Variants in TP53BP1 observed in about 807,000 individuals in gnomAD.
The protein encoded by TP53BP1 is TP53-binding protein 1.
In TP53BP1, 61 loss-of-function variants were observed where a neutral mutation model predicts 200.8. That is an observed-to-expected ratio of 0.30 (90% CI 0.25 to 0.38). The LOEUF (loss-of-function observed/expected upper bound fraction) is 0.38. TP53BP1 is among the 10% of genes least tolerant of loss of function. The pLI is 1.00. For missense variants in TP53BP1, 2,144 were observed against 2,371.9 expected (o/e 0.90, Z 2.00); for synonymous variants, 822 against 844.3 (o/e 0.97, Z 0.46).
upstream of TP53BP1, among the ~76,000 whole-genome samples, chr15:43,495,454 G>A (rs1223631060): frequency 2.0e-5 from 3 of 150,646 alleles, no homozygotes; most frequent in African/African-American, 4.9e-5. Flanking sequence ...AGCCGAGATC[G>A]TGCCACTGCA....
At chr15:43,495,219 G>T (rs1400287223), upstream of TP53BP1, among the ~76,000 whole-genome samples, 4 of 151,756 alleles carry the variant, frequency 2.6e-5, no homozygotes, top group South Asian at 6.2e-4. Context: ...CCTAAAAACC[G>T]CCAGGCGCAG....
intron 12 of TP53BP1, among the ~76,000 whole-genome samples, chr15:43,453,505 A>G (rs2046221037): frequency 6.6e-6 from 1 of 151,678 alleles, no homozygotes; most frequent in Non-Finnish European, 1.5e-5. Flanking sequence ...ATAACCCCTC[A>G]CTTCCTTTTT....
upstream of TP53BP1, chr15:43,497,527 T>C (rs185330189): frequency 2.7e-4 from 223 of 821,812 alleles, no homozygotes; most frequent in Non-Finnish European, 3.2e-4. Context: ...CCTAACTTCC[T>C]GGAAGCCAGT....
At position 43,457,145 on chromosome 15, in the gene TP53BP1, G is replaced by A; in HGVS notation, c.1463C>T (p.Ser488Leu). The change falls in exon 12 of 28, where the codon TCA (serine) becomes TTA (leucine). Residue 488 changes from serine (S) to leucine (L), a missense_variant. Ser to Leu is a moderately radical substitution (Grantham distance 145). Around this residue, in one of 4 missense-constraint regions of TP53BP1, gnomAD observed 1,700 missense variants for 1,710.3 expected, o/e 0.99. Transcript: ENST00000382044. Reference sequence around the variant, plus strand: ...TTTAGAACACTCAACTGTCAAAGATGAACTATGCATATCTCCATCTTTCTT... The same window carrying A: ...TTTAGAACACTCAACTGTCAAAGATAAACTATGCATATCTCCATCTTTCTT... The part of the protein sequence containing the change: ...DGKKDGDMHS[S>L]SLTVECSKTS... 1.2e-6 allele frequency: 2 copies of A among 1,613,844 alleles called. No homozygotes were observed. Among genetic ancestry groups the A allele is most frequent in the Non-Finnish European group, 1.7e-6 (2 of 1,179,804 alleles).
At chr15:43,435,846 C>T (rs963328074) in intron 16 of TP53BP1, among the ~76,000 whole-genome samples, 5 of 152,058 alleles carry the variant, frequency 3.3e-5, no homozygotes, top group Admixed American at 6.6e-5. Flanking sequence ...CAAGCGTGGA[C>T]GACCCTGCCT....
chr15:43,491,893 T>G, intron 3 of TP53BP1, 109 bp downstream of exon 3: 2 of 1,086,064 alleles, frequency 1.8e-6, no homozygotes, highest in Non-Finnish European at 2.8e-6. Flanking sequence ...GATACCACAG[T>G]AGGCTTCCTT....
chr15:43,446,070 G>A (rs2046034837), intron 14 of TP53BP1, among the ~76,000 whole-genome samples: 1 of 152,016 alleles, frequency 6.6e-6, no homozygotes, highest in African/African-American at 2.4e-5. Context: ...AATTCATGTG[G>A]GAAAGAATCA....
upstream of TP53BP1, among the ~76,000 whole-genome samples, chr15:43,496,359 T>A (rs1345253306): frequency 6.6e-6 from 1 of 152,220 alleles, no homozygotes; most frequent in Non-Finnish European, 1.5e-5. Flanking sequence ...CCTATAATTA[T>A]ATAATAAATT....
In TP53BP1 at chr15:43,405,352, G is replaced by C; in HGVS notation, c.*2031C>G. Reference sequence around the variant, plus strand: ...GACTCTACCTTTTCTCCTAGAAGCAGTTACTGAACATCCAGGAGTACAACT... The same window carrying C: ...GACTCTACCTTTTCTCCTAGAAGCACTTACTGAACATCCAGGAGTACAACT... On this transcript the variant is annotated 3_prime_UTR_variant, in exon 28 of 28. Coordinates refer to ENST00000382044, the MANE Select transcript of TP53BP1 (RefSeq NM_001141980.3). The C allele has an allele frequency of 1.1e-6, 1 of 943,200 alleles. No individual in the cohort carries two copies. The highest frequency in any genetic ancestry group is 1.5e-5 in the South Asian group (1 of 66,568). The allele number at this position is 943,200 out of a possible 1,614,324, so 58.4% of individuals were successfully genotyped here.
chr15:43,446,159 T>C (rs1448316294), intron 14 of TP53BP1, among the ~76,000 whole-genome samples: 1 of 152,074 alleles, frequency 6.6e-6, no homozygotes, highest in African/African-American at 2.4e-5. Context: ...GGAAACCAAT[T>C]ACATAGGAAC....
chr15:43,479,288 A>G, intron 7 of TP53BP1, 109 bp downstream of exon 7: 1 of 1,244,350 alleles, frequency 8.0e-7, no homozygotes, highest in Non-Finnish European at 1.1e-6. Flanking sequence ...GTACAAGGGG[A>G]AAATAATTTA....
chr15:43,459,318 C>A (rs1334291727), intron 11 of TP53BP1, among the ~76,000 whole-genome samples: 2 of 152,110 alleles, frequency 1.3e-5, no homozygotes, highest in African/African-American at 4.8e-5. Context: ...GCCTCAGCGA[C>A]AGAGCGAGAG....
intron 12 of TP53BP1, among the ~76,000 whole-genome samples, chr15:43,448,503 G>A (rs1296098113): frequency 3.3e-5 from 5 of 151,554 alleles, no homozygotes; most frequent in African/African-American, 7.3e-5. Context: ...AGCAAGCACC[G>A]TGATAATTTT....
Position 43,416,216 on chromosome 15 carries a change from A to C in TP53BP1, c.4873+9T>G. On this transcript the variant is annotated intron_variant, in intron 22 of 27. Transcript: ENST00000382044. ...CCAAAAGCAGCTGTTCAGGAAGCAA[A>C]AGTCTTACCTAAGCTGATATCTGCT... is the stretch of plus-strand genomic sequence containing the variant. 1 of 1,609,234 alleles carries C rather than the reference A, an allele frequency of 6.2e-7. No individual in the cohort carries two copies. Among genetic ancestry groups the C allele is most frequent in the Non-Finnish European group, 8.5e-7 (1 of 1,178,250 alleles).
rs34954998 is a variant in TP53BP1, at chr15:43,423,657, C to CA, written c.3829-1532dup. Among the ~76,000 whole-genome samples, 706 of 110,232 alleles carry CA rather than the reference C, an allele frequency of 6.4e-3. 2 individuals carry two copies. Among genetic ancestry groups the CA allele is most frequent in the Middle Eastern group, 0.016 (3 of 192 alleles). The allele number at this position is 110,232 out of a possible 152,430, so 72.3% of individuals were successfully genotyped here. On this transcript the variant is annotated intron_variant, in intron 18 of 27. Transcript: ENST00000382044. ...TGGACAACAGAGTGAGACTCCACCT[C>CA]AAAAAAAAAAAAAAATCCCCATGGG...
chr15:43,409,313 TA>T (rs1337358044), intron 25 of TP53BP1: 4 of 595,378 alleles, frequency 6.7e-6, no homozygotes, highest in Non-Finnish European at 1.2e-5. Context: ...ACTGAGGACC[TA>T]AATCCTCAAC....
intron 12 of TP53BP1, among the ~76,000 whole-genome samples, chr15:43,454,471 C>A (rs2046247160): frequency 6.6e-6 from 1 of 151,562 alleles, no homozygotes; most frequent in Non-Finnish European, 1.5e-5. Flanking sequence ...TCAAGTGATT[C>A]TCCTGTCTCA....
intron 4 of TP53BP1, among the ~76,000 whole-genome samples, chr15:43,486,228 T>C (rs987862256): frequency 2.0e-5 from 3 of 151,894 alleles, no homozygotes; most frequent in African/African-American, 7.3e-5. Context: ...AATACAAAAT[T>C]AGCCGGGCAT....
At chr15:43,436,793 A>G (rs1380848058) in intron 16 of TP53BP1, among the ~76,000 whole-genome samples, 2 of 151,952 alleles carry the variant, frequency 1.3e-5, no homozygotes, top group Non-Finnish European at 2.9e-5. Flanking sequence ...TTCCTTAATT[A>G]TTTAAATAGA....
Sources: gnomAD v4.1 joint callset for allele counts (sites outside exome capture counted in the v4.1 genomes callset) on GRCh38, gnomAD v4.1.1 for gene constraint, gnomAD v4.1.1 regional missense constraint, MANE v1.5 for transcripts, NCBI Gene and HGNC (gene_info 2026-07-23, HGNC 2026-07-21) for gene names.